The following ANKRD30A variants were observed in gnomAD, a reference collection of about 807,000 sequenced individuals.
ANKRD30A encodes ankyrin repeat domain-containing protein 30A.
Under a neutral mutation model 166.3 loss-of-function variants are expected in ANKRD30A, and 170 were observed. That is an observed-to-expected ratio of 1.02 (90% CI 0.90 to 1.16). ANKRD30A has a LOEUF of 1.16. Among genes scored for constraint, ANKRD30A ranks in the 50% most tolerant of loss-of-function variants. The probability of loss-of-function intolerance (pLI) is 0.00; values close to 1 mark genes in which losing one functional copy is unlikely to be tolerated. For missense variants in ANKRD30A, 1,630 were observed against 1,518.0 expected (o/e 1.07, Z -1.23); for synonymous variants, 564 against 508.9 (o/e 1.11, Z -1.46).
At chr10:37,252,825 C>T in the ANKRD30A span, among the ~76,000 whole-genome samples, 5 of 152,048 alleles carry the variant, frequency 3.3e-5, no homozygotes, top group Non-Finnish European at 5.9e-5. Flanking sequence ...GTGCTTAAAA[C>T]TGCTTGTCAT....
At chr10:37,152,003 T>C in intron 11 of ANKRD30A, 57 bp from the exon 12 acceptor site, 2 of 1,460,152 alleles carry the variant, frequency 1.4e-6, no homozygotes, top group Non-Finnish European at 9.4e-7. Flanking sequence ...TATATGTTTT[T>C]AAAATTTATA....
the ANKRD30A span, among the ~76,000 whole-genome samples, chr10:37,243,300 T>C: frequency 8.8e-6 from 1 of 113,594 alleles, no homozygotes; most frequent in Non-Finnish European, 2.0e-5. Flanking sequence ...ACGCCCACCT[T>C]TTTTTTTTTT....
intron 8 of ANKRD30A, among the ~76,000 whole-genome samples, chr10:37,146,403 ATTCTATTATC>A (rs1837515364): frequency 6.6e-6 from 1 of 152,224 alleles, no homozygotes; most frequent in African/African-American, 2.4e-5. Context: ...ACACTAAATA[ATTCTATTATC>A]ATGAATAATT....
chr10:37,216,088 A>T, intron 31 of ANKRD30A, 93 bp from the exon 32 acceptor site: 1 of 848,942 alleles, frequency 1.2e-6, no homozygotes. Context: ...ATCAATATAT[A>T]TTTGTTCAGT....
At position 37,149,783 on chromosome 10, in the gene ANKRD30A, A is replaced by G; in HGVS notation, c.1579A>G (p.Ile527Val). Reference protein sequence around the residue: ...PKKPSAFKPAIEMQNSVPNKA... With the variant: ...PKKPSAFKPAVEMQNSVPNKA... ...TGCTTCCAACCCCATTTAGCCTGCC[A>G]TTGAAATGCAAAACTCTGTTCCAAA... The change falls in exon 11 of 36, where the codon ATT (isoleucine) becomes GTT (valine). Residue 527 changes from isoleucine to valine, a missense_variant. Physicochemically the swap from Ile to Val is conservative, Grantham distance 29 (BLOSUM62 3). Coordinates refer to ENST00000361713, the MANE Select transcript of ANKRD30A (RefSeq NM_052997.3). 2 of 1,613,002 alleles carry G rather than the reference A, an allele frequency of 1.2e-6. No homozygotes were observed. The highest frequency in any genetic ancestry group is 1.7e-4 in the Middle Eastern group (1 of 6,050).
chr10:37,153,806 A>G (rs1199849863), intron 13 of ANKRD30A, 144 bp downstream of exon 13: 11 of 1,189,590 alleles, frequency 9.2e-6, no homozygotes, highest in South Asian at 1.4e-5. Flanking sequence ...CGTAAGTTGT[A>G]TGTCTCATCA....
chr10:37,222,050 A>T (rs1234055145), intron 34 of ANKRD30A, among the ~76,000 whole-genome samples: 1 of 151,422 alleles, frequency 6.6e-6, no homozygotes, highest in East Asian at 1.9e-4. Context: ...AATAGAGGAA[A>T]TTATCTTGAT....
At chr10:37,265,880 C>G in the ANKRD30A span, among the ~76,000 whole-genome samples, 1 of 152,196 alleles carries the variant, frequency 6.6e-6, no homozygotes, top group Non-Finnish European at 1.5e-5. Context: ...AACAAACCCC[C>G]CTGGGTTAAC....
At chr10:37,197,501 A>G in intron 29 of ANKRD30A, 21 bp downstream of exon 29, 1 of 1,611,836 alleles carries the variant, frequency 6.2e-7, no homozygotes, top group Admixed American at 1.7e-5. Flanking sequence ...CAATGTAACT[A>G]TGCGAAGACC....
At chr10:37,227,406 T>G (rs1564598565) in intron 34 of ANKRD30A, among the ~76,000 whole-genome samples, 1 of 151,970 alleles carries the variant, frequency 6.6e-6, no homozygotes, top group Non-Finnish European at 1.5e-5. Flanking sequence ...TCCCATGTAG[T>G]CATTTTGTTA....
At chr10:37,243,364 T>C in the ANKRD30A span, among the ~76,000 whole-genome samples, 1 of 151,546 alleles carries the variant, frequency 6.6e-6, no homozygotes, top group South Asian at 2.1e-4. Context: ...CAGGATGGTC[T>C]GGATCTCCTG....
chr10:37,250,512 T>C, the ANKRD30A span, among the ~76,000 whole-genome samples: 1 of 152,100 alleles, frequency 6.6e-6, no homozygotes, highest in Non-Finnish European at 1.5e-5. Flanking sequence ...GTAAATATGG[T>C]AACGTCCTAC....
At position 37,219,413 on chromosome 10, in the gene ANKRD30A, A is replaced by G. The variant is rs775481026; in HGVS notation, c.3701A>G (p.Lys1234Arg). 6.8e-6 allele frequency: 11 copies of G among 1,610,448 alleles called. No individual in the cohort carries two copies. In the South Asian group the frequency reaches 1.2e-4, roughly 18 times the overall value. Residue 1234 changes from lysine to arginine, a missense_variant, in exon 34 of 36, where the codon AAA (lysine) becomes AGA (arginine). Coordinates refer to ENST00000361713, the MANE Select transcript of ANKRD30A (RefSeq NM_052997.3). Reference sequence around the variant, plus strand: ...GCAGGAGATGCTTGTTTGCAAAGAAAAATGAATGTTGATGTGAGTAGTACG... The same window carrying G: ...GCAGGAGATGCTTGTTTGCAAAGAAGAATGAATGTTGATGTGAGTAGTACG... ...HIAGDACLQRKMNVDVSSTIY... is the reference protein window; with the variant it reads ...HIAGDACLQRRMNVDVSSTIY...
In ANKRD30A at chr10:37,193,057, C is replaced by G; in HGVS notation, c.2513-7C>G. Reference sequence around the variant, plus strand: ...ACAATAAATTATATATGTCCCTTTTCTTTTAGAGTCTCCTGATAATGATGG... The same window carrying G: ...ACAATAAATTATATATGTCCCTTTTGTTTTAGAGTCTCCTGATAATGATGG... On this transcript the variant is annotated splice_region_variant and splice_polypyrimidine_tract_variant and intron_variant, in intron 25 of 35. Coordinates refer to ENST00000361713, the MANE Select transcript of ANKRD30A (RefSeq NM_052997.3). 3.7e-6 allele frequency: 6 copies of G among 1,609,216 alleles called. 1 individual carries two copies. The highest frequency in any genetic ancestry group is 5.1e-6 in the Non-Finnish European group (6 of 1,177,058).
intron 34 of ANKRD30A, among the ~76,000 whole-genome samples, chr10:37,227,299 A>G (rs1382597352): frequency 6.6e-6 from 1 of 151,960 alleles, no homozygotes; most frequent in Admixed American, 6.6e-5. Flanking sequence ...ATTTTGAGAT[A>G]ATTTTTAAAT....
At chr10:37,194,410 C>T (rs1233393488) in intron 27 of ANKRD30A, among the ~76,000 whole-genome samples, 1 of 150,928 alleles carries the variant, frequency 6.6e-6, no homozygotes. Flanking sequence ...GGCGCCATCT[C>T]GGCTCATGCA....
chr10:37,194,148 T>A (rs1283131701), intron 27 of ANKRD30A, among the ~76,000 whole-genome samples: 2 of 151,990 alleles, frequency 1.3e-5, no homozygotes, highest in African/African-American at 4.8e-5. Flanking sequence ...TGAGCCGAGC[T>A]TGTGCCACTT....
At chr10:37,128,788 A>G (rs1002166680) in intron 1 of ANKRD30A, among the ~76,000 whole-genome samples, 2 of 152,226 alleles carry the variant, frequency 1.3e-5, no homozygotes, top group African/African-American at 4.8e-5. Context: ...ATTAGGACTG[A>G]ATCTCAATGG....
At chr10:37,263,136 A>T in the ANKRD30A span, among the ~76,000 whole-genome samples, 1 of 152,132 alleles carries the variant, frequency 6.6e-6, no homozygotes, top group African/African-American at 2.4e-5. Context: ...ATTATATCTA[A>T]ATCTTTATGT....
Sources: allele counts gnomAD v4.1 joint callset (sites outside exome capture counted in the v4.1 genomes callset), GRCh38; gene constraint gnomAD v4.1.1; transcripts MANE v1.5; gene names NCBI Gene and HGNC (gene_info 2026-07-23, HGNC 2026-07-21).